Variants in ABHD11 observed in about 807,000 individuals in gnomAD.
ABHD11 encodes the protein sn-1-specific diacylglycerol lipase ABHD11.
In ABHD11, 26 loss-of-function variants were observed where a neutral mutation model predicts 29.0. The observed-to-expected ratio is 0.90, with a 90% confidence interval of 0.66 to 1.24. The LOEUF (loss-of-function observed/expected upper bound fraction) is 1.24, where lower values mean the gene tolerates loss of function less well. Ranked by LOEUF, ABHD11 falls within the 50% of genes most tolerant of loss-of-function variation. ABHD11 has a pLI of 0.00. For missense variants in ABHD11, 381 were observed against 422.4 expected (o/e 0.90, Z 0.86); for synonymous variants, 169 against 166.4 (o/e 1.02, Z -0.12).
At chr7:73,738,082 A>T (rs1554622631) in intron 2 of ABHD11, 4 of 779,014 alleles carry the variant, frequency 5.1e-6, no homozygotes, top group Non-Finnish European at 9.0e-6. Context: ...CCTAGTGAAC[A>T]AGCAGGCCCC....
At chr7:73,737,419 G>A in intron 3 of ABHD11, 28 bp from the exon 4 acceptor site, 3 of 1,596,202 alleles carry the variant, frequency 1.9e-6, no homozygotes, top group Non-Finnish European at 2.6e-6. Context: ...ACTGGGACCA[G>A]TCTTAGGCAG....
rs1554622340 is a variant in ABHD11 at position 73,737,563 on chromosome 7, C to T, written c.434G>A (p.Arg145Lys). 1 of 1,602,380 alleles carries T rather than the reference C, an allele frequency of 6.2e-7. No individual in the cohort carries two copies. The highest frequency in any genetic ancestry group is 1.3e-5 in the African/African-American group (1 of 74,800). ...AGGCCCCAGACATGGGCGGCTCACC[C>T]TCTGTAGTGCCAGCAGCATGGCTGT... ...GKTAMLLALQRPELVERLIAV... is the reference protein window; with the variant it reads ...GKTAMLLALQKPELVERLIAV... The change falls in exon 3 of 6, where the codon AGG becomes AAG. Residue 145 changes from arginine (R) to lysine (K), a missense_variant and splice_region_variant. Physicochemically the swap from Arg to Lys is conservative, Grantham distance 26. Coordinates refer to ENST00000222800, the MANE Select transcript of ABHD11 (RefSeq NM_148912.4).
At chr7:73,738,548 T>C (rs1210977143) in intron 1 of ABHD11, 85 bp from the exon 2 acceptor site, 1 of 1,564,822 alleles carries the variant, frequency 6.4e-7, no homozygotes, top group Non-Finnish European at 8.7e-7. Flanking sequence ...GGGAGAGGCC[T>C]GGGAGGTGAC....
chr7:73,736,817 T>G, intron 5 of ABHD11, 112 bp downstream of exon 5: 1 of 1,572,770 alleles, frequency 6.4e-7, no homozygotes, highest in Non-Finnish European at 8.6e-7. Context: ...CCGGTGGTAT[T>G]TCTGGCCTCT....
At position 73,737,738 on chromosome 7, in the gene ABHD11, G is replaced by C. The variant is rs1800060134; in HGVS notation, c.262-3C>G. 6.2e-7 allele frequency: 1 copy of C among 1,608,084 alleles called. No individual in the cohort carries two copies. On this transcript the variant is annotated splice_polypyrimidine_tract_variant and splice_region_variant and intron_variant, in intron 2 of 5. Transcript: ENST00000222800. ...TTACGAGCATCCACCGTCAGCACCT[G>C]GGGAGTGGGGTGAGACGGGGCTGCG...
At chr7:73,736,889 C>CCA in intron 5 of ABHD11, 40 bp downstream of exon 5, 1 of 1,598,864 alleles carries the variant, frequency 6.3e-7, no homozygotes. Flanking sequence ...GGGGCCTGGG[C>CCA]GAGTAAAGCA....
At chr7:73,736,722 G>A (rs782629107) in intron 5 of ABHD11, 31 bp from the exon 6 acceptor site, 10 of 1,612,384 alleles carry the variant, frequency 6.2e-6, no homozygotes, top group African/African-American at 4.0e-5. Context: ...CATCAAAAAC[G>A]GGTGAAAGTG....
Position 73,737,081 on chromosome 7 carries a change from A to G in ABHD11, c.636T>C (p.Thr212=), listed in dbSNP as rs1388212038. The G allele has an allele frequency of 6.2e-7, 1 of 1,614,068 alleles. No individual in the cohort carries two copies. The highest frequency in any genetic ancestry group is 8.5e-7 in the Non-Finnish European group (1 of 1,180,036). Residue 212 remains threonine (T), a synonymous_variant, in exon 5 of 6, where the codon ACT becomes ACC. Coordinates refer to ENST00000222800, the MANE Select transcript of ABHD11 (RefSeq NM_148912.4). ...AGCGCCCGTCTACCTCTACCAGGTT[A>G]GTGAGCAGGTGCTGCCGCACGGCCA... is the stretch of plus-strand genomic sequence containing the variant. The part of the protein sequence containing the change: ...QDMAVRQHLL[T]NLVEVDGRFV...
At position 73,738,285 on chromosome 7, in the gene ABHD11, TC is replaced by T. The variant is rs781931537; in HGVS notation, c.261+42del. 65 of 786,992 alleles carry T rather than the reference TC, an allele frequency of 8.3e-5. No homozygotes were observed. The East Asian group carries it at 1.5e-3, about 19-fold the overall frequency. The allele number at this position is 786,992 out of a possible 1,614,324, so 48.8% of individuals were successfully genotyped here. On this transcript the variant is annotated intron_variant, in intron 2 of 5. Transcript: ENST00000222800. The stretch of plus-strand genomic sequence containing the variant: ...CCGCCTCCTCTCAGGCCCCGCCCAC[TC>T]CCGCCCAGCCCCAAAGGAGCCCCGC...
At position 73,736,621 on chromosome 7, in the gene ABHD11, G is replaced by T; in HGVS notation, c.859C>A (p.His287Asn). The T allele has an allele frequency of 6.2e-7, 1 of 1,614,092 alleles. No individual in the cohort carries two copies. The highest frequency in any genetic ancestry group is 8.5e-7 in the Non-Finnish European group (1 of 1,180,038). ...AQMQTVPNAGHWIHADRPQDF... is the reference protein window; with the variant it reads ...AQMQTVPNAGNWIHADRPQDF... ...TGTGGGCGGTCAGCGTGGATCCAGTGGCCAGCGTTCGGCACCGTCTGCATC... is the reference window on the plus strand; with the variant it reads ...TGTGGGCGGTCAGCGTGGATCCAGTTGCCAGCGTTCGGCACCGTCTGCATC... Residue 287 changes from histidine to asparagine, a missense_variant, in exon 6 of 6, where the codon CAC (histidine) becomes AAC (asparagine). By Grantham distance (68) the His-to-Asn change is moderately conservative. Coordinates refer to ENST00000222800, the MANE Select transcript of ABHD11 (RefSeq NM_148912.4).
chr7:73,738,325 C>T lies in ABHD11; in HGVS notation c.261+3G>A, dbSNP rs1800159477. ...AAGGAGCCCCGCCCACTCGAAAGCT[C>T]ACCCTACGGCCTGTCTGCTGGGCCA... On this transcript the variant is annotated splice_donor_region_variant and intron_variant, in intron 2 of 5. Coordinates refer to ENST00000222800, the MANE Select transcript of ABHD11 (RefSeq NM_148912.4). 1 of 1,559,992 alleles carries T rather than the reference C, an allele frequency of 6.4e-7. No individual in the cohort carries two copies. Among genetic ancestry groups the T allele is most frequent in the African/African-American group, 1.4e-5 (1 of 73,220 alleles).
rs1800189710 is a variant in ABHD11 at position 73,738,432 on chromosome 7, C to T, written c.157G>A (p.Gly53Arg). 8 of 1,610,624 alleles carry T rather than the reference C, an allele frequency of 5.0e-6. No individual in the cohort carries two copies. Among genetic ancestry groups the T allele is most frequent in the South Asian group, 1.1e-5 (1 of 90,566 alleles). ...ACGACGGCCGGGAGGGCTGCCTCCC[C>T]GTCCAGAAGCCTGTAGGAAAGCGGA... ...PLPLSYRLLD[G>R]EAALPAVVFL... is the part of the protein sequence containing the mutation. The change falls in exon 2 of 6, where the codon GGG becomes AGG. Residue 53 changes from glycine to arginine, a missense_variant. Coordinates refer to ENST00000222800, the MANE Select transcript of ABHD11 (RefSeq NM_148912.4).
rs1554621825 is a variant in ABHD11, at chr7:73,736,647, T to C, written c.833A>G (p.Gln278Arg). The change falls in exon 6 of 6, where the codon CAG (glutamine) becomes CGG (arginine). Residue 278 changes from glutamine to arginine, a missense_variant. Coordinates refer to ENST00000222800, the MANE Select transcript of ABHD11 (RefSeq NM_148912.4). ...PEIMRLFPRA[Q>R]MQTVPNAGHW... ...GCCAGCGTTCGGCACCGTCTGCATC[T>C]GGGCCCGAGGGAAGAGCCGCATAAT... 4 of 1,613,842 alleles carry C rather than the reference T, an allele frequency of 2.5e-6. No individual in the cohort carries two copies. The highest frequency in any genetic ancestry group is 3.4e-6 in the Non-Finnish European group (4 of 1,180,020).
intron 2 of ABHD11, 57 bp from the exon 3 acceptor site, chr7:73,737,792 C>A (rs1433408191): frequency 1.9e-6 from 3 of 1,567,742 alleles, no homozygotes; most frequent in Non-Finnish European, 1.7e-6. Context: ...GGGTAGACAG[C>A]CAAAGGCTTG....
chr7:73,738,285 T>TACC, intron 2 of ABHD11, 43 bp downstream of exon 2: 109 of 786,470 alleles, frequency 1.4e-4, no homozygotes, highest in Non-Finnish European at 1.7e-4. Context: ...CCCCGCCCAC[T>TACC]CCCGCCCAGC....
Position 73,736,240 on chromosome 7 carries a change from T to G in ABHD11, c.*319A>C. 3 of 472,312 alleles carry G rather than the reference T, an allele frequency of 6.4e-6. No homozygotes were observed. The highest frequency in any genetic ancestry group is 6.4e-5 in the East Asian group (1 of 15,656). The allele number at this position is 472,312 out of a possible 1,614,324, so 29.3% of individuals were successfully genotyped here. On this transcript the variant is annotated 3_prime_UTR_variant, in exon 6 of 6. Transcript: ENST00000222800. ...TGAAGCCTGGGGTTTTGTGCCTCCTTTTTGTTTTGTTTTTTTTGAGACAGA... is the reference window on the plus strand; with the variant it reads ...TGAAGCCTGGGGTTTTGTGCCTCCTGTTTGTTTTGTTTTTTTTGAGACAGA...
At position 73,738,784 on chromosome 7, in the gene ABHD11, T is replaced by C. The variant is rs782467620; in HGVS notation, c.-14A>G. On this transcript the variant is annotated 5_prime_UTR_variant, in exon 1 of 6. Transcript: ENST00000222800. ...CCAGCGGAGCATGCTTGCAAGCTGT[T>C]GGCCGGCTCGCATCTCACAAGGTAC... is the stretch of plus-strand genomic sequence containing the variant. 8.1e-6 allele frequency: 13 copies of C among 1,596,366 alleles called. No homozygotes were observed. Among genetic ancestry groups the C allele is most frequent in the Admixed American group, 1.7e-5 (1 of 57,174 alleles).
chr7:73,736,834 C>T, intron 5 of ABHD11, 95 bp downstream of exon 5: 1 of 1,569,848 alleles, frequency 6.4e-7, no homozygotes, highest in Non-Finnish European at 8.6e-7. Flanking sequence ...CTCTCAGCCA[C>T]CCCCCTTCCA....
At position 73,736,291 on chromosome 7, in the gene ABHD11, G is replaced by A. The variant is rs1799861408; in HGVS notation, c.*268C>T. On this transcript the variant is annotated 3_prime_UTR_variant, in exon 6 of 6. Transcript: ENST00000222800. Reference sequence around the variant, plus strand: ...GTCTTGCTCTGTTGCCTAGGCTGGAGTGTAGTGGTGTGATCTCGGCTCATT... The same window carrying A: ...GTCTTGCTCTGTTGCCTAGGCTGGAATGTAGTGGTGTGATCTCGGCTCATT... 1 of 522,368 alleles carries A rather than the reference G, an allele frequency of 1.9e-6. No individual in the cohort carries two copies. Among genetic ancestry groups the A allele is most frequent in the East Asian group, 4.7e-5 (1 of 21,268 alleles). 32.4% of individuals were successfully genotyped at this position (522,368 alleles called of 1,614,324 possible). A position where few individuals can be genotyped will look rare whatever the true frequency, so the allele number is the denominator to read the frequency against.
Sources: allele counts gnomAD v4.1 joint callset, GRCh38; gene constraint gnomAD v4.1.1; transcripts MANE v1.5; gene names NCBI Gene and HGNC (gene_info 2026-07-23, HGNC 2026-07-21).